PLVAP: variants seen among roughly 807,000 people sequenced by gnomAD.
The protein encoded by PLVAP is plasmalemma vesicle-associated protein.
PLVAP carries 34 observed loss-of-function variants against 43.1 expected under a neutral mutation model. The observed-to-expected ratio is 0.79, with a 90% confidence interval of 0.60 to 1.05. The LOEUF (loss-of-function observed/expected upper bound fraction) is 1.05. Among genes scored for constraint, PLVAP ranks in the 50% least tolerant of loss-of-function variants. The pLI is 0.00. For missense variants in PLVAP, 574 were observed against 593.4 expected, an observed-to-expected ratio of 0.97 and a Z score of 0.34; for synonymous variants, 241 against 237.3, an observed-to-expected ratio of 1.02 and a Z score of -0.14.
At chr19:17,374,289 A>G (rs1056931807) in intron 1 of PLVAP, among the ~76,000 whole-genome samples, 3 of 152,124 alleles carry the variant, frequency 2.0e-5, no homozygotes, top group African/African-American at 7.2e-5. Context: ...ACACAGTGAA[A>G]CCCGGTCTCT....
intron 5 of PLVAP, among the ~76,000 whole-genome samples, chr19:17,356,777 T>C (rs376772875): frequency 9.9e-4 from 150 of 151,804 alleles, no homozygotes; most frequent in African/African-American, 2.0e-3. Flanking sequence ...CTGACCAACA[T>C]GGTGAAACCC....
chr19:17,376,007 C>G (rs1432275843), intron 1 of PLVAP, among the ~76,000 whole-genome samples: 1 of 151,670 alleles, frequency 6.6e-6, no homozygotes, highest in Non-Finnish European at 1.5e-5. Context: ...ATAGCGAGAC[C>G]CCACGTCTAC....
chr19:17,352,138 C>T lies in PLVAP; in HGVS notation c.*224G>A, dbSNP rs376229834. The T allele has an allele frequency of 1.7e-6, 1 of 598,988 alleles. No homozygotes were observed. Among genetic ancestry groups the T allele is most frequent in the Non-Finnish European group, 3.0e-6 (1 of 336,906 alleles). 37.1% of individuals were successfully genotyped at this position (598,988 alleles called of 1,614,324 possible). ...TATGTGACGTCAGCGCCGTTGCTTG[C>T]GTGACGTCATCTCCGCGGCCGTGTG... On this transcript the variant is annotated 3_prime_UTR_variant, in exon 6 of 6. Transcript: ENST00000252590.
chr19:17,366,789 G>A (rs2074551965), intron 1 of PLVAP, among the ~76,000 whole-genome samples: 2 of 151,292 alleles, frequency 1.3e-5, no homozygotes, highest in African/African-American at 2.4e-5. Flanking sequence ...CTGCCACCAC[G>A]ACTGGCTAAT....
At chr19:17,368,186 C>T (rs2074557941) in intron 1 of PLVAP, among the ~76,000 whole-genome samples, 1 of 151,318 alleles carries the variant, frequency 6.6e-6, no homozygotes, top group Admixed American at 6.6e-5. Context: ...ATTCTCCTGC[C>T]TCAGTCTCCC....
chr19:17,366,065 C>T (rs746964536), intron 2 of PLVAP, 34 bp downstream of exon 2: 3 of 1,612,308 alleles, frequency 1.9e-6, no homozygotes, highest in African/African-American at 1.3e-5. Context: ...GCAGGGAGTC[C>T]ACCACCCCGG....
At chr19:17,372,674 T>C (rs1018043921) in intron 1 of PLVAP, among the ~76,000 whole-genome samples, 1 of 150,372 alleles carries the variant, frequency 6.7e-6, no homozygotes, top group Non-Finnish European at 1.5e-5. Flanking sequence ...GCCAGCATGG[T>C]CTCGATCTCC....
In PLVAP at chr19:17,376,961, C is replaced by T; in HGVS notation, c.328G>A (p.Asp110Asn). 1.2e-6 allele frequency: 2 copies of T among 1,614,028 alleles called. No homozygotes were observed. The highest frequency in any genetic ancestry group is 1.7e-6 in the Non-Finnish European group (2 of 1,180,002). The change falls in exon 1 of 6, where the codon GAC (aspartate) becomes AAC (asparagine). Residue 110 changes from aspartate to asparagine, a missense_variant. Asp to Asn is a conservative substitution (Grantham distance 23, BLOSUM62 1). Transcript: ENST00000252590. The part of the protein sequence containing the change: ...QMWLNARRDL[D>N]RINASFRQCQ... Reference sequence around the variant, plus strand: ...TGGCGGAAGCTGGCATTGATGCGGTCCAGGTCGCGGCGAGCATTCAGCCAC... The same window carrying T: ...TGGCGGAAGCTGGCATTGATGCGGTTCAGGTCGCGGCGAGCATTCAGCCAC...
At chr19:17,360,914 C>CTTTTTCT in intron 3 of PLVAP, 82 bp from the exon 4 acceptor site, 1 of 904,276 alleles carries the variant, frequency 1.1e-6, no homozygotes, top group Non-Finnish European at 1.6e-6. Context: ...TTTTCTTTTT[C>CTTTTTCT]TTTTTTTTTT....
intron 1 of PLVAP, among the ~76,000 whole-genome samples, chr19:17,372,549 C>A (rs533115518): frequency 5.3e-5 from 8 of 149,646 alleles, no homozygotes; most frequent in Admixed American, 4.0e-4. Flanking sequence ...CTCCGCCTCC[C>A]GGGTTCATGC....
chr19:17,377,333 G>C lies in PLVAP; in HGVS notation c.-45C>G, dbSNP rs765737981. 7.0e-7 allele frequency: 1 copy of C among 1,434,686 alleles called. No individual in the cohort carries two copies. Among genetic ancestry groups the C allele is most frequent in the Admixed American group, 1.9e-5 (1 of 53,508 alleles). 88.9% of individuals were successfully genotyped at this position (1,434,686 alleles called of 1,614,324 possible). A position where few individuals can be genotyped will look rare whatever the true frequency, so the allele number is the denominator to read the frequency against. On this transcript the variant is annotated 5_prime_UTR_variant, in exon 1 of 6. Transcript: ENST00000252590. Reference sequence around the variant, plus strand: ...GGTGCACCGTCCCTGCTCACCACCAGGCCTGCTCTGGCCCCCGCCTCGCAG... The same window carrying C: ...GGTGCACCGTCCCTGCTCACCACCACGCCTGCTCTGGCCCCCGCCTCGCAG...
In PLVAP at chr19:17,367,650, A is replaced by G. The variant is rs1017060213; in HGVS notation, c.370-1455T>C. 3.9e-5 allele frequency among the ~76,000 whole-genome samples: 6 copies of G among 152,084 alleles called. 1 individual carries two copies. In the South Asian group the frequency reaches 1.0e-3, roughly 26 times the overall value. On this transcript the variant is annotated intron_variant, in intron 1 of 5. Coordinates refer to ENST00000252590, the MANE Select transcript of PLVAP (RefSeq NM_031310.3). ...GTGATCCGCCTATCTCGGCCTCCCA[A>G]AGTGCTGGGATTACAGGCGTGAGCC...
chr19:17,352,367 C>T lies in PLVAP; in HGVS notation c.1324G>A (p.Gly442Ser). Residue 442 changes from glycine (G) to serine (S), a missense_variant and splice_region_variant, in exon 6 of 6, where the codon GGC becomes AGC. By Grantham distance (56) the Gly-to-Ser change is moderately conservative. Coordinates refer to ENST00000252590, the MANE Select transcript of PLVAP (RefSeq NM_031310.3). Reference sequence around the variant, plus strand: ...TCCTCAGGCCTGGAGCCTCCTCAGCCACTAGGGCAGGAAGGGGATGGTAAC... The same window carrying T: ...TCCTCAGGCCTGGAGCCTCCTCAGCTACTAGGGCAGGAAGGGGATGGTAAC... ...PAGIPVAPSS[G>S] The T allele has an allele frequency of 6.2e-7, 1 of 1,613,642 alleles. No homozygotes were observed. The highest frequency in any genetic ancestry group is 8.5e-7 in the Non-Finnish European group (1 of 1,179,662).
chr19:17,364,934 G>A (rs969853507), intron 3 of PLVAP, among the ~76,000 whole-genome samples: 9 of 151,764 alleles, frequency 5.9e-5, no homozygotes, highest in Admixed American at 1.3e-4. Flanking sequence ...CACCACGCCC[G>A]GCTAATTTTT....
At chr19:17,376,454 C>T (rs1186442677) in intron 1 of PLVAP, among the ~76,000 whole-genome samples, 2 of 151,624 alleles carry the variant, frequency 1.3e-5, no homozygotes, top group Non-Finnish European at 2.9e-5. Flanking sequence ...AGCAATTGCA[C>T]TCCATCCAGC....
At chr19:17,359,898 T>C (rs2074521364) in intron 5 of PLVAP, among the ~76,000 whole-genome samples, 1 of 152,156 alleles carries the variant, frequency 6.6e-6, no homozygotes, top group African/African-American at 2.4e-5. Flanking sequence ...GATTCATTCC[T>C]GGATGCCACT....
At chr19:17,361,858 T>G (rs1475322945) in intron 3 of PLVAP, among the ~76,000 whole-genome samples, 6 of 150,828 alleles carry the variant, frequency 4.0e-5, no homozygotes, top group Non-Finnish European at 7.4e-5. Context: ...TCCCCTGAGG[T>G]CAGGAGTTCG....
At chr19:17,356,253 T>C (rs1167059993) in intron 5 of PLVAP, among the ~76,000 whole-genome samples, 3 of 152,114 alleles carry the variant, frequency 2.0e-5, no homozygotes, top group African/African-American at 7.2e-5. Flanking sequence ...GAGGTTTCAG[T>C]GAGCAGAGAT....
At chr19:17,353,763 C>A (rs1057271444) in intron 5 of PLVAP, among the ~76,000 whole-genome samples, 1 of 152,160 alleles carries the variant, frequency 6.6e-6, no homozygotes, top group Non-Finnish European at 1.5e-5. Context: ...ACCAAAGGAC[C>A]CTTGAGTGAC....
Sources: gnomAD v4.1 joint callset for allele counts (sites outside exome capture counted in the v4.1 genomes callset) on GRCh38, gnomAD v4.1.1 for gene constraint, MANE v1.5 for transcripts, NCBI Gene and HGNC (gene_info 2026-07-23, HGNC 2026-07-21) for gene names.